The following CMKLR1 variants were observed in gnomAD, a reference collection of about 807,000 sequenced individuals.
CMKLR1 encodes the protein chemerin-like receptor 1.
A neutral mutation model predicts 8.2 loss-of-function variants in CMKLR1; 6 were observed. The observed-to-expected ratio is 0.73, with a 90% CI of 0.40 to 1.44. The LOEUF (loss-of-function observed/expected upper bound fraction) is 1.44. Among genes scored for constraint, CMKLR1 ranks in the 40% most tolerant of loss-of-function variants. The pLI is 0.02. For missense variants in CMKLR1, 429 were observed against 478.0 expected (o/e 0.90, Z 0.96); for synonymous variants, 178 against 181.2 (o/e 0.98, Z 0.14).
chr12:108,305,798 G>A (rs779331695), intron 2 of CMKLR1, among the ~76,000 whole-genome samples: 3 of 152,156 alleles, frequency 2.0e-5, no homozygotes, highest in Non-Finnish European at 2.9e-5. Flanking sequence ...AGAGCGGCAC[G>A]GGCTGCCTAA....
At chr12:108,310,644 A>G (rs550459359) in intron 2 of CMKLR1, among the ~76,000 whole-genome samples, 1 of 152,244 alleles carries the variant, frequency 6.6e-6, no homozygotes, top group African/African-American at 2.4e-5. Flanking sequence ...TGAGCGGAGG[A>G]GTGAGGACCA....
chr12:108,317,699 C>T (rs1891766443), intron 2 of CMKLR1, among the ~76,000 whole-genome samples: 1 of 152,254 alleles, frequency 6.6e-6, no homozygotes. Flanking sequence ...GTTAGCCTAA[C>T]AGCCATCCAT....
intron 2 of CMKLR1, among the ~76,000 whole-genome samples, chr12:108,317,364 G>T (rs1346357622): frequency 6.6e-6 from 1 of 152,212 alleles, no homozygotes; most frequent in Non-Finnish European, 1.5e-5. Context: ...AGCTTGGAAT[G>T]AAATGGCAGG....
intron 2 of CMKLR1, among the ~76,000 whole-genome samples, chr12:108,304,674 C>T (rs1891361336): frequency 6.6e-6 from 1 of 152,090 alleles, no homozygotes; most frequent in Admixed American, 6.6e-5. Flanking sequence ...CAGTCTCCAC[C>T]TCCTCCTCTC....
At position 108,292,918 on chromosome 12, in the gene CMKLR1, A is replaced by C; in HGVS notation, c.45T>G (p.Gly15=). 6.2e-7 allele frequency: 1 copy of C among 1,613,336 alleles called. No individual in the cohort carries two copies. Among genetic ancestry groups the C allele is most frequent in the South Asian group, 1.1e-5 (1 of 91,022 alleles). Residue 15 remains glycine (G), a synonymous_variant, in exon 4 of 4, where the codon GGT becomes GGG. Coordinates refer to ENST00000550402, the MANE Select transcript of CMKLR1 (RefSeq NM_001142343.2). ...DEDYNTSISY[G]DEYPDYLDSI... is the part of the protein sequence containing the mutation. Reference sequence around the variant, plus strand: ...AGTCTAAATAATCAGGGTATTCATCACCGTAACTGATGGAAGTGTTGTAAT... The same window carrying C: ...AGTCTAAATAATCAGGGTATTCATCCCCGTAACTGATGGAAGTGTTGTAAT...
intron 2 of CMKLR1, among the ~76,000 whole-genome samples, chr12:108,305,883 C>A (rs1182059711): frequency 1.3e-5 from 2 of 152,196 alleles, no homozygotes; most frequent in Admixed American, 6.5e-5. Context: ...TGGGCAAAAA[C>A]AAGGAGCTTA....
At chr12:108,296,026 C>T (rs754412412) in intron 2 of CMKLR1, among the ~76,000 whole-genome samples, 12 of 152,298 alleles carry the variant, frequency 7.9e-5, no homozygotes, top group Non-Finnish European at 1.6e-4. Flanking sequence ...GTTGGTGCAT[C>T]GCCCCCACCC....
intron 2 of CMKLR1, among the ~76,000 whole-genome samples, chr12:108,328,559 G>A (rs776782686): frequency 6.6e-6 from 1 of 152,228 alleles, no homozygotes; most frequent in Non-Finnish European, 1.5e-5. Context: ...TGGAGAAAGC[G>A]GAGCAGCTGC....
intron 2 of CMKLR1, among the ~76,000 whole-genome samples, chr12:108,316,500 G>A (rs1891737669): frequency 6.6e-6 from 1 of 152,182 alleles, no homozygotes; most frequent in Non-Finnish European, 1.5e-5. Flanking sequence ...CAAAGTGGCA[G>A]AAGAAAGACG....
chr12:108,293,793 T>C, intron 2 of CMKLR1, 129 bp from the exon 3 acceptor site: 7 of 603,458 alleles, frequency 1.2e-5, no homozygotes, highest in East Asian at 2.9e-5. Context: ...GAAGCAGAAG[T>C]TCAGAAAGGC....
At position 108,335,929 on chromosome 12, in the gene CMKLR1, C is replaced by T. The variant is rs950687354; in HGVS notation, c.-287+3098G>A. 1.1e-4 allele frequency among the ~76,000 whole-genome samples: 17 copies of T among 152,360 alleles called. No individual in the cohort carries two copies. In the East Asian group the frequency reaches 2.7e-3, roughly 24 times the overall value. The stretch of plus-strand genomic sequence containing the variant: ...CCTCCATGCTGGGGGATTGCTAACA[C>T]GATCTGACTTTCTGTGGTACTATAA... On this transcript the variant is annotated intron_variant, in intron 1 of 3. Coordinates refer to ENST00000550402, the MANE Select transcript of CMKLR1 (RefSeq NM_001142343.2).
intron 1 of CMKLR1, among the ~76,000 whole-genome samples, chr12:108,332,659 A>G (rs1892136523): frequency 6.6e-6 from 1 of 152,138 alleles, no homozygotes; most frequent in Non-Finnish European, 1.5e-5. Flanking sequence ...CAAGTTCTCC[A>G]GTTTTGGGAC....
At chr12:108,295,557 C>T in intron 2 of CMKLR1, among the ~76,000 whole-genome samples, 1 of 152,206 alleles carries the variant, frequency 6.6e-6, no homozygotes, top group Admixed American at 6.5e-5. Flanking sequence ...TAGAATGCCC[C>T]AAGAAGCCCA....
At chr12:108,319,254 A>C (rs543370908) in intron 2 of CMKLR1, among the ~76,000 whole-genome samples, 1 of 152,282 alleles carries the variant, frequency 6.6e-6, no homozygotes, top group East Asian at 1.9e-4. Context: ...GTCAACCCTC[A>C]GGGTCCTTTC....
chr12:108,297,024 G>A lies in CMKLR1; in HGVS notation c.-73-3360C>T, dbSNP rs570758821. Among the ~76,000 whole-genome samples the A allele has an allele frequency of 7.9e-5, 12 of 152,192 alleles. No homozygotes were observed. The South Asian group carries it at 1.2e-3, about 16-fold the overall frequency. On this transcript the variant is annotated intron_variant, in intron 2 of 3. Coordinates refer to ENST00000550402, the MANE Select transcript of CMKLR1 (RefSeq NM_001142343.2). ...AATTCCTTAAATCCTCCACAACCAG[G>A]AAGCTTATGAAAAAAATATGCGTCA...
chr12:108,292,431 G>A lies in CMKLR1; in HGVS notation c.532C>T (p.Arg178Trp), dbSNP rs374245414. The A allele has an allele frequency of 5.9e-5, 95 of 1,614,148 alleles. No homozygotes were observed. Among genetic ancestry groups the A allele is most frequent in the Non-Finnish European group, 7.5e-5 (88 of 1,180,032 alleles). ...TTCCCATGCAGGTTGGCTGTGTCCCGGAAGACGAGAGATGGGGAACTCAAG... is the reference window on the plus strand; with the variant it reads ...TTCCCATGCAGGTTGGCTGTGTCCCAGAAGACGAGAGATGGGGAACTCAAG... Reference protein sequence around the residue: ...FFLSSPSLVFRDTANLHGKIS... With the variant: ...FFLSSPSLVFWDTANLHGKIS... Residue 178 changes from arginine to tryptophan, a missense_variant, in exon 4 of 4, where the codon CGG becomes TGG. By Grantham distance (101) the Arg-to-Trp change is moderately radical. Coordinates refer to ENST00000550402, the MANE Select transcript of CMKLR1 (RefSeq NM_001142343.2).
chr12:108,309,703 A>G (rs1891500993), intron 2 of CMKLR1, among the ~76,000 whole-genome samples: 2 of 152,236 alleles, frequency 1.3e-5, no homozygotes, highest in African/African-American at 4.8e-5. Flanking sequence ...CCAGGCTTCC[A>G]GCAAACTGGC....
In CMKLR1 at chr12:108,289,628, G is replaced by C. The variant is rs1301850723; in HGVS notation, c.*2213C>G. 4 of 152,254 alleles carry C rather than the reference G, an allele frequency of 2.6e-5. No individual in the cohort carries two copies. Among genetic ancestry groups the C allele is most frequent in the Admixed American group, 2.6e-4 (4 of 15,292 alleles). 9.4% of individuals were successfully genotyped at this position (152,254 alleles called of 1,614,324 possible). ...GCTGACGACTGCTGCTGTGACCCGGGACAGGTCCCATCCCATCTCGTGCCT... is the reference window on the plus strand; with the variant it reads ...GCTGACGACTGCTGCTGTGACCCGGCACAGGTCCCATCCCATCTCGTGCCT... On this transcript the variant is annotated 3_prime_UTR_variant, in exon 4 of 4. Coordinates refer to ENST00000550402, the MANE Select transcript of CMKLR1 (RefSeq NM_001142343.2).
chr12:108,319,494 G>A (rs1891807267), intron 2 of CMKLR1, among the ~76,000 whole-genome samples: 1 of 152,196 alleles, frequency 6.6e-6, no homozygotes, highest in Non-Finnish European at 1.5e-5. Context: ...CTTACTACCT[G>A]TAAGACCTCT....
Sources: allele counts gnomAD v4.1 joint callset (sites outside exome capture counted in the v4.1 genomes callset), GRCh38; gene constraint gnomAD v4.1.1; transcripts MANE v1.5; gene names NCBI Gene and HGNC (gene_info 2026-07-23, HGNC 2026-07-21).